Variants in SLC30A8 observed in about 807,000 individuals in gnomAD.
The protein encoded by SLC30A8 is proton-coupled zinc antiporter SLC30A8.
In SLC30A8, 27 loss-of-function variants were observed where a neutral mutation model predicts 36.9. That is an observed-to-expected ratio of 0.73 (90% CI 0.54 to 1.01). The LOEUF is 1.01. Ranked by LOEUF, SLC30A8 falls within the 50% of genes least tolerant of loss-of-function variation. The pLI is 0.00. For missense variants in SLC30A8, 439 were observed against 452.0 expected (o/e 0.97, Z 0.26); for synonymous variants, 164 against 172.4 (o/e 0.95, Z 0.38).
intron 2 of SLC30A8, among the ~76,000 whole-genome samples, chr8:117,123,352 C>T (rs1045394683): frequency 2.0e-5 from 3 of 151,942 alleles, no homozygotes; most frequent in African/African-American, 7.2e-5. Flanking sequence ...AAACAGACAT[C>T]AGAATGAGAC....
chr8:116,980,051 C>T (rs924230558), intron 1 of SLC30A8, among the ~76,000 whole-genome samples: 2 of 152,172 alleles, frequency 1.3e-5, no homozygotes, highest in African/African-American at 4.8e-5. Context: ...AAGGGAACGA[C>T]TATGGATGTG....
intron 1 of SLC30A8, among the ~76,000 whole-genome samples, chr8:117,144,560 G>A (rs1821810209): frequency 6.6e-6 from 1 of 152,102 alleles, no homozygotes; most frequent in African/African-American, 2.4e-5. Context: ...GGAAAAAAAT[G>A]AGTTGTCCAA....
intron 2 of SLC30A8, among the ~76,000 whole-genome samples, chr8:117,120,658 A>G (rs1820657188): frequency 6.6e-6 from 1 of 151,828 alleles, no homozygotes; most frequent in Admixed American, 6.6e-5. Context: ...AATCAACAGA[A>G]TAAAAAAGGC....
intron 1 of SLC30A8, among the ~76,000 whole-genome samples, chr8:117,035,595 C>G (rs982057251): frequency 1.3e-5 from 2 of 152,234 alleles, no homozygotes; most frequent in African/African-American, 4.8e-5. Context: ...CCTCTTCTCA[C>G]AGTTCCACGA....
intron 4 of SLC30A8, 23 bp downstream of exon 4, chr8:117,157,867 C>T (rs374026995): frequency 1.6e-5 from 26 of 1,612,458 alleles, no homozygotes; most frequent in Admixed American, 3.3e-5. Context: ...CTGGTCCCCA[C>T]ACACTGCTCA....
chr8:117,110,279 A>G (rs1279049800), intron 2 of SLC30A8, among the ~76,000 whole-genome samples: 1 of 152,136 alleles, frequency 6.6e-6, no homozygotes, highest in East Asian at 1.9e-4. Flanking sequence ...AAAGCCATCA[A>G]ATAGGTTAAA....
chr8:116,958,434 A>G lies in SLC30A8; in HGVS notation c.-266+7315A>G, dbSNP rs905390753. ...TTTTACTTCTTTTTGTTTTTGAAAT[A>G]TATTTTTATTAAGTATAGACTTGGG... On this transcript the variant is annotated intron_variant, in intron 1 of 10. Transcript: ENST00000427715. Among the ~76,000 whole-genome samples, 9 of 151,732 alleles carry G rather than the reference A, an allele frequency of 5.9e-5. 1 individual carries two copies. The South Asian group carries it at 1.7e-3, about 28-fold the overall frequency.
At chr8:117,099,893 C>G (rs1819634622) in intron 2 of SLC30A8, among the ~76,000 whole-genome samples, 1 of 152,006 alleles carries the variant, frequency 6.6e-6, no homozygotes, top group Non-Finnish European at 1.5e-5. Context: ...TGACTACAAC[C>G]CTGTGAGGTA....
At chr8:116,985,725 ACTTACTCTGGAAATTAC>A (rs200125264) in intron 1 of SLC30A8, among the ~76,000 whole-genome samples, 2,471 of 152,150 alleles carry the variant, frequency 0.016, 82 homozygotes, top group African/African-American at 0.057. Context: ...CCATGTCCTC[ACTTACTCTGGAAATTAC>A]CTTACTCTGG....
chr8:117,168,867 G>T (rs532785560), intron 6 of SLC30A8, among the ~76,000 whole-genome samples: 1 of 152,146 alleles, frequency 6.6e-6, no homozygotes, highest in Admixed American at 6.5e-5. Flanking sequence ...CCACTTCTCT[G>T]TGTGGCCTTA....
Position 117,098,719 on chromosome 8 carries a change from G to GGA in SLC30A8, c.-225-36558_-225-36557dup, listed in dbSNP as rs1819578716. 4.6e-5 allele frequency among the ~76,000 whole-genome samples: 7 copies of GGA among 152,266 alleles called. No homozygotes were observed. The South Asian group carries it at 1.5e-3, about 32-fold the overall frequency. ...AGAAATGCCAAATAAAGCATGCAGG[G>GGA]GAGATTGTCCCTCTGTTCTTTGGTA... On this transcript the variant is annotated intron_variant, in intron 2 of 10. Transcript: ENST00000427715.
At chr8:117,169,536 C>G (rs1031488823) in intron 6 of SLC30A8, among the ~76,000 whole-genome samples, 2 of 152,070 alleles carry the variant, frequency 1.3e-5, no homozygotes, top group African/African-American at 4.8e-5. Flanking sequence ...ATGCTCAGGC[C>G]TCCCATACCC....
intron 1 of SLC30A8, among the ~76,000 whole-genome samples, chr8:117,017,793 G>A (rs1816566040): frequency 6.6e-6 from 1 of 152,218 alleles, no homozygotes; most frequent in Admixed American, 6.5e-5. Context: ...ATTCAGAAGA[G>A]ATGAATTTCT....
intron 1 of SLC30A8, among the ~76,000 whole-genome samples, chr8:116,998,028 T>A (rs1815879182): frequency 6.6e-6 from 1 of 152,100 alleles, no homozygotes; most frequent in South Asian, 2.1e-4. Context: ...ATTCAGAATG[T>A]TTGATCTAAG....
intron 1 of SLC30A8, chr8:117,146,669 C>T (rs1055020265): frequency 1.6e-5 from 6 of 379,442 alleles, no homozygotes; most frequent in Non-Finnish European, 2.7e-5. Flanking sequence ...CAAAATGTAT[C>T]TGCTTCTTTT....
chr8:117,010,466 T>G (rs1201824656), intron 1 of SLC30A8, among the ~76,000 whole-genome samples: 1 of 152,202 alleles, frequency 6.6e-6, no homozygotes, highest in Non-Finnish European at 1.5e-5. Context: ...ATGTTGAAAG[T>G]TCAATGAGTT....
chr8:117,163,481 G>C lies in SLC30A8; in HGVS notation c.780G>C (p.Leu260Phe). 6.2e-7 allele frequency: 1 copy of C among 1,613,288 alleles called. No homozygotes were observed. Among genetic ancestry groups the C allele is most frequent in the Non-Finnish European group, 8.5e-7 (1 of 1,179,664 alleles). ...ICTFIFSILV[L>F]ASTITILKDF... is the part of the protein sequence containing the mutation. ...CATTCATCTTTTCCATCCTGGTCTT[G>C]GCCAGCACCATCACTATCTTAAAGG... Residue 260 changes from leucine to phenylalanine, a missense_variant, in exon 6 of 8, where the codon TTG (leucine) becomes TTC (phenylalanine). Physicochemically the swap from Leu to Phe is conservative, Grantham distance 22 (BLOSUM62 0). Coordinates refer to ENST00000456015, the MANE Select transcript of SLC30A8 (RefSeq NM_173851.3).
rs755873491 is a variant in SLC30A8, at chr8:117,153,047, G to A, written c.375G>A (p.Ser125=). Residue 125 remains serine, a synonymous_variant, in exon 3 of 8, where the codon TCG becomes TCA. Transcript: ENST00000456015. ...LLSLFSLWLS[S]KPPSKRLTFG... is the part of the protein sequence containing the mutation. Reference sequence around the variant, plus strand: ...GTCTCTTCTCCCTGTGGTTGTCATCGAAGCCTCCCTCTAAGCGGCTGACAT... The same window carrying A: ...GTCTCTTCTCCCTGTGGTTGTCATCAAAGCCTCCCTCTAAGCGGCTGACAT... 8.1e-6 allele frequency: 13 copies of A among 1,612,576 alleles called. No homozygotes were observed. Among genetic ancestry groups the A allele is most frequent in the South Asian group, 2.2e-5 (2 of 90,874 alleles).
chr8:117,147,464 A>G, intron 2 of SLC30A8: 1 of 254,272 alleles, frequency 3.9e-6, no homozygotes, highest in Admixed American at 4.9e-5. Flanking sequence ...CATACTGTCA[A>G]ATACTCCTCA....
Sources: allele counts gnomAD v4.1 joint callset (sites outside exome capture counted in the v4.1 genomes callset), GRCh38; gene constraint gnomAD v4.1.1; transcripts MANE v1.5; gene names NCBI Gene and HGNC (gene_info 2026-07-23, HGNC 2026-07-21).